RAB12: variants seen among roughly 807,000 people sequenced by gnomAD.
RAB12 encodes ras-related protein Rab-12.
A neutral mutation model predicts 28.4 loss-of-function variants in RAB12; 11 were observed. The ratio of observed to expected loss-of-function variants is 0.39; its 90% CI spans 0.24 to 0.64. The LOEUF (loss-of-function observed/expected upper bound fraction) is 0.64, where lower values mean the gene tolerates loss of function less well. RAB12 is among the 30% of genes least tolerant of loss of function. The probability of loss-of-function intolerance (pLI) is 0.50; values close to 1 mark genes in which losing one functional copy is unlikely to be tolerated. For missense variants in RAB12, 276 were observed against 351.1 expected (o/e 0.79, Z 1.71); for synonymous variants, 138 against 145.3 (o/e 0.95, Z 0.36).
chr18:8,619,873 A>G (rs901644577), intron 1 of RAB12, among the ~76,000 whole-genome samples: 1 of 152,200 alleles, frequency 6.6e-6, no homozygotes, highest in African/African-American at 2.4e-5. Context: ...ACACCGGCAC[A>G]GTTGCTCATG....
chr18:8,613,826 TAGA>T (rs1199159879), intron 1 of RAB12, among the ~76,000 whole-genome samples: 2 of 120,676 alleles, frequency 1.7e-5, no homozygotes, highest in East Asian at 5.0e-4. Flanking sequence ...TGCCTATAAA[TAGA>T]AGTAGTAGTA....
chr18:8,627,080 A>G (rs1043692546), intron 2 of RAB12, among the ~76,000 whole-genome samples: 1 of 152,264 alleles, frequency 6.6e-6, no homozygotes, highest in African/African-American at 2.4e-5. Flanking sequence ...GCTATGCAGC[A>G]GGTAAAAAGG....
chr18:8,621,283 A>G (rs2148708098), intron 1 of RAB12, among the ~76,000 whole-genome samples: 1 of 152,360 alleles, frequency 6.6e-6, no homozygotes, highest in South Asian at 2.1e-4. Flanking sequence ...CAGTATTAAA[A>G]ATAGACAACA....
chr18:8,633,472 G>A (rs2096017099), intron 3 of RAB12, 145 bp downstream of exon 3: 1 of 904,086 alleles, frequency 1.1e-6, no homozygotes, highest in Non-Finnish European at 1.7e-6. Context: ...TTCGGGATAG[G>A]GATGTAGTCC....
At chr18:8,632,397 G>T (rs1249801722) in intron 2 of RAB12, among the ~76,000 whole-genome samples, 1 of 152,124 alleles carries the variant, frequency 6.6e-6, no homozygotes, top group African/African-American at 2.4e-5. Flanking sequence ...TGTCAGTGCA[G>T]ACTTGAGGAG....
At position 8,609,725 on chromosome 18, in the gene RAB12, T is replaced by C; in HGVS notation, c.286T>C (p.Cys96Arg). 8.8e-7 allele frequency: 1 copy of C among 1,132,756 alleles called. No individual in the cohort carries two copies. Among genetic ancestry groups the C allele is most frequent in the Non-Finnish European group, 1.1e-6 (1 of 925,060 alleles). The allele number at this position is 1,132,756 out of a possible 1,614,324, so 70.2% of individuals were successfully genotyped here. The change falls in exon 1 of 6, where the codon TGT becomes CGT. Residue 96 changes from cysteine (C) to arginine (R), a missense_variant. Physicochemically the swap from Cys to Arg is radical, Grantham distance 180. This residue lies in a region of RAB12 where 72 missense variants were observed against 55.5 expected (regional missense o/e 1.30). Coordinates refer to ENST00000649141, the MANE Select transcript of RAB12 (RefSeq NM_001025300.3). ...GCGGGCCGAGCGGGAGCCGCATGCG[T>C]GTATGGATCCGGGCGCCGCGCTGCA... The part of the protein sequence containing the change: ...GRRAEREPHA[C>R]MDPGAALQRR...
chr18:8,614,167 AT>A (rs2096005446), intron 1 of RAB12, among the ~76,000 whole-genome samples: 2 of 152,310 alleles, frequency 1.3e-5, no homozygotes, highest in Admixed American at 6.5e-5. Flanking sequence ...TCATTTTAGA[AT>A]TTGGTCCTTG....
At chr18:8,623,239 G>A (rs2096010921) in intron 1 of RAB12, among the ~76,000 whole-genome samples, 6 of 152,192 alleles carry the variant, frequency 3.9e-5, no homozygotes, top group Admixed American at 3.3e-4. Context: ...TTTAGAGATT[G>A]CAGTAAAGAC....
intron 1 of RAB12, among the ~76,000 whole-genome samples, chr18:8,611,409 A>G (rs1405271111): frequency 6.6e-6 from 1 of 152,174 alleles, no homozygotes; most frequent in Non-Finnish European, 1.5e-5. Flanking sequence ...TCAGGTACCC[A>G]TAGGTGGGTA....
At position 8,639,054 on chromosome 18, in the gene RAB12, C is replaced by T. The variant is rs922152929; in HGVS notation, c.*792C>T. The T allele has an allele frequency of 1.6e-4, 24 of 146,324 alleles. No homozygotes were observed. Among genetic ancestry groups the T allele is most frequent in the Non-Finnish European group, 7.4e-5 (5 of 67,172 alleles). The allele number at this position is 146,324 out of a possible 1,614,324, so 9.1% of individuals were successfully genotyped here. ...GCATTTTACTATATCAAAGAACATA[C>T]GTGTATTTGCCTAAACACTCTGTAC... is the stretch of plus-strand genomic sequence containing the variant. On this transcript the variant is annotated 3_prime_UTR_variant, in exon 6 of 6. Transcript: ENST00000649141.
chr18:8,638,340 G>C lies in RAB12; in HGVS notation c.*78G>C. On this transcript the variant is annotated 3_prime_UTR_variant, in exon 6 of 6. Transcript: ENST00000649141. ...TTCTATTCTGCACTACAATCATTTT[G>C]ACAATTTCCTTTCGCACTTTGTAAT... 9.9e-7 allele frequency: 1 copy of C among 1,008,196 alleles called. No homozygotes were observed. The highest frequency in any genetic ancestry group is 1.5e-6 in the Non-Finnish European group (1 of 650,172). 62.5% of individuals were successfully genotyped at this position (1,008,196 alleles called of 1,614,324 possible). A position where few individuals can be genotyped will look rare whatever the true frequency, so the allele number is the denominator to read the frequency against.
intron 1 of RAB12, among the ~76,000 whole-genome samples, chr18:8,616,526 A>G (rs140675229): frequency 2.0e-5 from 3 of 152,232 alleles, no homozygotes; most frequent in Non-Finnish European, 4.4e-5. Flanking sequence ...AACAACCTGC[A>G]ATTCCAACTC....
At chr18:8,625,138 T>G in intron 2 of RAB12, 140 bp downstream of exon 2, 1 of 600,898 alleles carries the variant, frequency 1.7e-6, no homozygotes, top group South Asian at 2.7e-5. Flanking sequence ...AAATGGACAG[T>G]GTTTCCATCA....
intron 3 of RAB12, 133 bp downstream of exon 3, chr18:8,633,460 C>G (rs1261659303): frequency 1.0e-6 from 1 of 979,146 alleles, no homozygotes; most frequent in East Asian, 2.4e-5. Context: ...CCATATATAG[C>G]CTTCGGGATA....
intron 1 of RAB12, among the ~76,000 whole-genome samples, chr18:8,619,374 T>C (rs560596698): frequency 3.9e-5 from 6 of 152,350 alleles, no homozygotes; most frequent in African/African-American, 1.2e-4. Flanking sequence ...TAACTTCTTA[T>C]GGCCCAGCAA....
intron 2 of RAB12, among the ~76,000 whole-genome samples, chr18:8,631,500 G>A (rs190529230): frequency 1.3e-5 from 2 of 152,154 alleles, no homozygotes; most frequent in Non-Finnish European, 1.5e-5. Flanking sequence ...GCTGCAGAGC[G>A]GCTCAGATAC....
chr18:8,626,549 G>C (rs2096012780), intron 2 of RAB12, among the ~76,000 whole-genome samples: 1 of 152,158 alleles, frequency 6.6e-6, no homozygotes, highest in Non-Finnish European at 1.5e-5. Flanking sequence ...CAAATGTCCT[G>C]GTGCCTCCCT....
intron 1 of RAB12, among the ~76,000 whole-genome samples, chr18:8,610,620 G>C (rs2096003248): frequency 6.6e-6 from 1 of 152,196 alleles, no homozygotes; most frequent in African/African-American, 2.4e-5. Context: ...GAACGCTCCA[G>C]GGTCAAGGAG....
intron 5 of RAB12, 108 bp downstream of exon 5, chr18:8,636,465 G>C: frequency 1.5e-6 from 1 of 681,960 alleles, no homozygotes; most frequent in East Asian, 3.0e-5. Flanking sequence ...TACAGTAGTT[G>C]TGCTCAGGCG....
Sources: gnomAD v4.1 joint callset for allele counts (sites outside exome capture counted in the v4.1 genomes callset) on GRCh38, gnomAD v4.1.1 for gene constraint, gnomAD v4.1.1 regional missense constraint, MANE v1.5 for transcripts, NCBI Gene and HGNC (gene_info 2026-07-23, HGNC 2026-07-21) for gene names.